Variants in CSMD1 observed in about 807,000 individuals in gnomAD.
CSMD1 encodes the protein CUB and Sushi multiple domains 1.
CSMD1 carries 213 observed loss-of-function variants against 417.5 expected under a neutral mutation model. The observed-to-expected ratio is 0.51, with a 90% CI of 0.46 to 0.57. The LOEUF is 0.57. Among genes scored for constraint, CSMD1 ranks in the 20% least tolerant of loss-of-function variants. The probability of loss-of-function intolerance (pLI) is 0.00; values close to 1 mark genes in which losing one functional copy is unlikely to be tolerated. For synonymous variants in CSMD1, 2,862 were observed against 1,736.8 expected (o/e 1.65, Z -16.11); for missense variants, 6,923 against 4,529.7 (o/e 1.53, Z -15.17).
chr8:3,837,828 G>T (rs1245121512), intron 5 of CSMD1, among the ~76,000 whole-genome samples: 1 of 152,114 alleles, frequency 6.6e-6, no homozygotes, highest in Admixed American at 6.6e-5. Context: ...CCTCTCTATA[G>T]TCGCAGGAAA....
At chr8:4,896,550 C>T (rs1163417472) in intron 1 of CSMD1, among the ~76,000 whole-genome samples, 1 of 152,098 alleles carries the variant, frequency 6.6e-6, no homozygotes, top group Non-Finnish European at 1.5e-5. Context: ...CAGATACTTC[C>T]TTCACCTAAC....
At chr8:3,702,769 T>A (rs577325066) in intron 7 of CSMD1, among the ~76,000 whole-genome samples, 5 of 152,170 alleles carry the variant, frequency 3.3e-5, no homozygotes, top group African/African-American at 1.2e-4. Flanking sequence ...GAGGTGCAGG[T>A]TGCAGTTAGC....
rs76282343 is a variant in CSMD1 at position 4,873,553 on chromosome 8, T to A, written c.85+120779A>T. Among the ~76,000 whole-genome samples the A allele has an allele frequency of 2.0e-3, 299 of 152,252 alleles. 1 individual carries two copies. The highest frequency in any genetic ancestry group is 6.6e-3 in the African/African-American group (275 of 41,496). ...TATCTTAACAGCATCTAAGAACATA[T>A]GATACTTCAAAGTTGCTGACAAGAA... On this transcript the variant is annotated intron_variant, in intron 1 of 69. Coordinates refer to ENST00000635120, the MANE Select transcript of CSMD1 (RefSeq NM_033225.6).
At chr8:3,885,813 A>G (rs1806524931) in intron 5 of CSMD1, among the ~76,000 whole-genome samples, 1 of 152,210 alleles carries the variant, frequency 6.6e-6, no homozygotes, top group Non-Finnish European at 1.5e-5. Flanking sequence ...AATCAGTTCT[A>G]GAATAAAAAT....
rs34176838 is a variant in CSMD1 at position 3,738,671 on chromosome 8, A to C, written c.931+15259T>G. ...TTAGACAGGGCTTAGATAACAGATA[A>C]GTCTTTCTACTGAATGCACACAGAC... is the stretch of plus-strand genomic sequence containing the variant. On this transcript the variant is annotated intron_variant, in intron 6 of 69. Coordinates refer to ENST00000635120, the MANE Select transcript of CSMD1 (RefSeq NM_033225.6). Among the ~76,000 whole-genome samples, 144 of 152,220 alleles carry C rather than the reference A, an allele frequency of 9.5e-4. 3 individuals are homozygous for C. In the East Asian group the frequency reaches 0.016, roughly 16 times the overall value.
intron 1 of CSMD1, among the ~76,000 whole-genome samples, chr8:4,758,857 T>C (rs1303744649): frequency 1.3e-5 from 2 of 152,156 alleles, no homozygotes; most frequent in Non-Finnish European, 2.9e-5. Flanking sequence ...ACCTGGGGAT[T>C]ACAATTCACA....
chr8:3,507,850 G>A (rs534938282), intron 10 of CSMD1, among the ~76,000 whole-genome samples: 52 of 152,124 alleles, frequency 3.4e-4, no homozygotes, highest in African/African-American at 1.2e-3. Flanking sequence ...TTTTGATGGG[G>A]TTGTTTGTTT....
chr8:4,836,617 T>C (rs1018235034), intron 1 of CSMD1, among the ~76,000 whole-genome samples: 2 of 152,246 alleles, frequency 1.3e-5, no homozygotes, highest in Non-Finnish European at 2.9e-5. Context: ...TATACTCTGC[T>C]TTTGTTCTTA....
chr8:4,547,046 T>C (rs893241524), intron 2 of CSMD1, among the ~76,000 whole-genome samples: 1 of 152,182 alleles, frequency 6.6e-6, no homozygotes, highest in African/African-American at 2.4e-5. Flanking sequence ...TCCAAATTCA[T>C]ACATCCAACT....
Position 3,456,616 on chromosome 8 carries a change from G to A in CSMD1, c.1561+12096C>T, listed in dbSNP as rs1360569115. Among the ~76,000 whole-genome samples, 8 of 152,206 alleles carry A rather than the reference G, an allele frequency of 5.3e-5. No individual in the cohort carries two copies. In the South Asian group the frequency reaches 1.0e-3, roughly 20 times the overall value. The stretch of plus-strand genomic sequence containing the variant: ...GTTGCGTTCTCTCCTATCCTATTTA[G>A]CATTGAAATAGTCCTAGTGGACGTG... On this transcript the variant is annotated intron_variant, in intron 12 of 69. Coordinates refer to ENST00000635120, the MANE Select transcript of CSMD1 (RefSeq NM_033225.6).
intron 10 of CSMD1, among the ~76,000 whole-genome samples, chr8:3,504,948 C>G (rs1321328687): frequency 6.6e-6 from 1 of 151,684 alleles, no homozygotes; most frequent in Non-Finnish European, 1.5e-5. Context: ...AATGCTTAAG[C>G]ACAACAACAA....
chr8:3,960,193 T>C (rs754902391), intron 5 of CSMD1, among the ~76,000 whole-genome samples: 6 of 152,224 alleles, frequency 3.9e-5, no homozygotes, highest in Non-Finnish European at 7.3e-5. Context: ...TTGTGAATTT[T>C]TCTTTCAATC....
In CSMD1 at chr8:3,368,398, G is replaced by A. The variant is rs549112354; in HGVS notation, c.2899+856C>T. Among the ~76,000 whole-genome samples, 11 of 152,132 alleles carry A rather than the reference G, an allele frequency of 7.2e-5. No individual in the cohort carries two copies. The East Asian group carries it at 1.7e-3, about 24-fold the overall frequency. ...ATCTCCTAGGCTGGAGTACAGTGGC[G>A]CAATCTCAGCTCACTGCAACTTCCG... On this transcript the variant is annotated intron_variant, in intron 19 of 69. Transcript: ENST00000635120.
At chr8:4,358,268 T>TG (rs1362932268) in intron 3 of CSMD1, among the ~76,000 whole-genome samples, 3 of 152,198 alleles carry the variant, frequency 2.0e-5, no homozygotes, top group African/African-American at 7.2e-5. Context: ...GCTTTACCAG[T>TG]GGGTGTGGAG....
At chr8:3,617,548 C>G (rs1387606277) in intron 7 of CSMD1, among the ~76,000 whole-genome samples, 2 of 152,098 alleles carry the variant, frequency 1.3e-5, no homozygotes, top group Non-Finnish European at 2.9e-5. Flanking sequence ...GGGAAGTCCA[C>G]AGGAGTACTT....
At position 3,110,113 on chromosome 8, in the gene CSMD1, T is replaced by C. The variant is rs774076425; in HGVS notation, c.6608+45A>G. Reference sequence around the variant, plus strand: ...TGGCATATGTATGCTAAGTCAGAATTGTTGATCACAATTACAGATATTTTG... The same window carrying C: ...TGGCATATGTATGCTAAGTCAGAATCGTTGATCACAATTACAGATATTTTG... On this transcript the variant is annotated intron_variant, in intron 43 of 69. Transcript: ENST00000635120. The C allele has an allele frequency of 2.0e-6, 3 of 1,492,600 alleles. No individual in the cohort carries two copies. The Admixed American group carries it at 6.3e-5, about 31-fold the overall frequency. The allele number at this position is 1,492,600 out of a possible 1,614,324, so 92.5% of individuals were successfully genotyped here. A position where few individuals can be genotyped will look rare whatever the true frequency, so the allele number is the denominator to read the frequency against.
intron 1 of CSMD1, among the ~76,000 whole-genome samples, chr8:4,908,351 A>T (rs1293651397): frequency 6.6e-6 from 1 of 151,998 alleles, no homozygotes; most frequent in Non-Finnish European, 1.5e-5. Context: ...TGGGATTTAT[A>T]ATTCTTGATG....
chr8:4,100,599 A>C (rs1435205405), intron 3 of CSMD1, among the ~76,000 whole-genome samples: 1 of 152,218 alleles, frequency 6.6e-6, no homozygotes, highest in East Asian at 1.9e-4. Context: ...GTAAGAGCTC[A>C]AAATATACAG....
At chr8:3,218,847 G>A (rs919817934) in intron 29 of CSMD1, among the ~76,000 whole-genome samples, 3 of 151,798 alleles carry the variant, frequency 2.0e-5, no homozygotes, top group African/African-American at 4.8e-5. Flanking sequence ...CCTCCAGCCT[G>A]GGCAACAAGA....
Sources: gnomAD v4.1 joint callset for allele counts (sites outside exome capture counted in the v4.1 genomes callset) on GRCh38, gnomAD v4.1.1 for gene constraint, MANE v1.5 for transcripts, NCBI Gene and HGNC (gene_info 2026-07-23, HGNC 2026-07-21) for gene names.